ZDBF2: variants seen among roughly 807,000 people sequenced by gnomAD.
The protein encoded by ZDBF2 is zinc finger DBF-type containing 2, also known as DBF4-type zinc finger-containing protein 2.
In ZDBF2, 6 loss-of-function variants were observed where a neutral mutation model predicts 9.4. The ratio of observed to expected loss-of-function variants is 0.64; its 90% CI spans 0.35 to 1.27. The LOEUF is 1.27. ZDBF2 is among the 50% of genes most tolerant of loss of function. The pLI, the probability that ZDBF2 is intolerant of heterozygous loss-of-function variation, is 0.03. For missense variants in ZDBF2, 2,697 were observed against 2,766.8 expected, an observed-to-expected ratio of 0.97 and a Z score of 0.57; for synonymous variants, 905 against 946.3, an observed-to-expected ratio of 0.96 and a Z score of 0.80.
In ZDBF2 at chr2:206,307,433, C is replaced by G. The variant is rs754685710; in HGVS notation, c.2905C>G (p.His969Asp). 1.9e-6 allele frequency: 3 copies of G among 1,611,972 alleles called. No individual in the cohort carries two copies. Among genetic ancestry groups the G allele is most frequent in the Non-Finnish European group, 2.5e-6 (3 of 1,179,334 alleles). ...TGATGTCCCTCTTCAGGCAGCGACTCACAAACCTGAAGTAATTGTCAAAGA... is the reference window on the plus strand; with the variant it reads ...TGATGTCCCTCTTCAGGCAGCGACTGACAAACCTGAAGTAATTGTCAAAGA... ...DSDVPLQAATHKPEVIVKETW... is the reference protein window; with the variant it reads ...DSDVPLQAATDKPEVIVKETW... Residue 969 changes from histidine (H) to aspartate (D), a missense_variant, in exon 5 of 5, where the codon CAC becomes GAC. Around this residue, in one of 3 missense-constraint regions of ZDBF2, gnomAD observed 1,783 missense variants for 1,776.5 expected, o/e 1.00. Coordinates refer to ENST00000374423, the MANE Select transcript of ZDBF2 (RefSeq NM_020923.3).
At position 206,306,246 on chromosome 2, in the gene ZDBF2, A is replaced by G. The variant is rs776619933; in HGVS notation, c.1718A>G (p.Asn573Ser). The G allele has an allele frequency of 6.2e-7, 1 of 1,613,560 alleles. No individual in the cohort carries two copies. Among genetic ancestry groups the G allele is most frequent in the Non-Finnish European group, 8.5e-7 (1 of 1,179,772 alleles). Reference protein sequence around the residue: ...RKKAHTSLVDNYGSSCSETSF... With the variant: ...RKKAHTSLVDSYGSSCSETSF... ...AAGGCTCATACCAGCTTGGTTGATA[A>G]CTATGGATCGAGTTGTTCTGAAACA... Residue 573 changes from asparagine (N) to serine (S), a missense_variant, in exon 5 of 5, where the codon AAC becomes AGC. Physicochemically the swap from Asn to Ser is conservative, Grantham distance 46 (BLOSUM62 1). This residue lies in a region of ZDBF2 where 910 missense variants were observed against 973.6 expected (regional missense o/e 0.93). Transcript: ENST00000374423.
At chr2:206,288,170 C>T (rs1344632292) in intron 3 of ZDBF2, among the ~76,000 whole-genome samples, 1 of 152,214 alleles carries the variant, frequency 6.6e-6, no homozygotes, top group Non-Finnish European at 1.5e-5. Context: ...TCTGGTGGAA[C>T]AGTTACTTCT....
At chr2:206,301,113 C>CT (rs952612935) in intron 4 of ZDBF2, among the ~76,000 whole-genome samples, 7 of 151,982 alleles carry the variant, frequency 4.6e-5, no homozygotes, top group African/African-American at 1.7e-4. Context: ...TCAGGTAGAA[C>CT]TTTTTTGTAT....
chr2:206,307,992 A>G lies in ZDBF2; in HGVS notation c.3464A>G (p.Tyr1155Cys), dbSNP rs747886182. The change falls in exon 5 of 5, where the codon TAT becomes TGT. Residue 1155 changes from tyrosine to cysteine, a missense_variant. Transcript: ENST00000374423. ...TACTTGGAAGTTAAGAACAGCCAAT[A>G]TAGTTGTTCAGAAATGAATTTGGAT... ...HMYLEVKNSQ[Y>C]SCSEMNLDSG... The G allele has an allele frequency of 8.7e-6, 14 of 1,613,864 alleles. No individual in the cohort carries two copies. The highest frequency in any genetic ancestry group is 1.1e-5 in the Non-Finnish European group (13 of 1,179,820).
chr2:206,283,306 G>T (rs2105902313), intron 3 of ZDBF2, among the ~76,000 whole-genome samples: 2 of 152,256 alleles, frequency 1.3e-5, no homozygotes, highest in Non-Finnish European at 2.9e-5. Context: ...TGTCAAAGTG[G>T]CTGTACCTTA....
In ZDBF2 at chr2:206,307,089, A is replaced by G. The variant is rs757039964; in HGVS notation, c.2561A>G (p.Lys854Arg). ...PEVAVKEVIQKEEYIHLERKN... is the reference protein window; with the variant it reads ...PEVAVKEVIQREEYIHLERKN... ...GTAGCTGTTAAAGAAGTAATTCAGA[A>G]AGAAGAGTACATTCACTTAGAAAGG... Residue 854 changes from lysine to arginine, a missense_variant, in exon 5 of 5, where the codon AAA becomes AGA. Transcript: ENST00000374423. 1.2e-6 allele frequency: 2 copies of G among 1,611,938 alleles called. No homozygotes were observed. The highest frequency in any genetic ancestry group is 1.7e-6 in the Non-Finnish European group (2 of 1,179,264).
chr2:206,304,276 G>A (rs1692649584), intron 4 of ZDBF2, among the ~76,000 whole-genome samples: 2 of 152,152 alleles, frequency 1.3e-5, no homozygotes, highest in Admixed American at 1.3e-4. Flanking sequence ...TGCTTACTGT[G>A]TGCCAAGCTG....
rs776488267 is a variant in ZDBF2 at position 206,308,469 on chromosome 2, A to G, written c.3941A>G (p.His1314Arg). The G allele has an allele frequency of 1.2e-6, 2 of 1,613,708 alleles. No individual in the cohort carries two copies. Among genetic ancestry groups the G allele is most frequent in the East Asian group, 2.2e-5 (1 of 44,872 alleles). The change falls in exon 5 of 5, where the codon CAT becomes CGT. Residue 1314 changes from histidine to arginine, a missense_variant. His to Arg is a conservative substitution (Grantham distance 29, BLOSUM62 0). This residue lies in a region of ZDBF2 where 1,783 missense variants were observed against 1,776.5 expected (regional missense o/e 1.00). Coordinates refer to ENST00000374423, the MANE Select transcript of ZDBF2 (RefSeq NM_020923.3). ...NKEINLLREE[H>R]VCLDDKGYVP... ...GAAATAAATCTTTTGAGGGAGGAAC[A>G]TGTTTGTCTGGATGATAAGGGCTAT... is the stretch of plus-strand genomic sequence containing the variant.
Position 206,309,179 on chromosome 2 carries a change from G to A in ZDBF2, c.4651G>A (p.Asp1551Asn). 6.2e-7 allele frequency: 1 copy of A among 1,610,136 alleles called. No homozygotes were observed. Among genetic ancestry groups the A allele is most frequent in the Non-Finnish European group, 8.5e-7 (1 of 1,177,810 alleles). Residue 1551 changes from aspartate (D) to asparagine (N), a missense_variant, in exon 5 of 5, where the codon GAC (aspartate) becomes AAC (asparagine). Physicochemically the swap from Asp to Asn is conservative, Grantham distance 23. Coordinates refer to ENST00000374423, the MANE Select transcript of ZDBF2 (RefSeq NM_020923.3). The stretch of plus-strand genomic sequence containing the variant: ...TGATATTCCCCTTCAGTTAGTGACT[G>A]ACCCACCTCAGTTGACTGTCAAAGA... ...SDDIPLQLVTDPPQLTVKDIS... is the reference protein window; with the variant it reads ...SDDIPLQLVTNPPQLTVKDIS...
At chr2:206,276,894 T>C (rs1193350424) in intron 1 of ZDBF2, among the ~76,000 whole-genome samples, 2 of 152,170 alleles carry the variant, frequency 1.3e-5, no homozygotes, top group Non-Finnish European at 2.9e-5. Context: ...AAAGCCAGCA[T>C]AGCGTGGATA....
chr2:206,310,800 GT>G lies in ZDBF2; in HGVS notation c.6273del (p.Ser2091ArgfsTer17). 1 of 1,614,010 alleles carries G rather than the reference GT, an allele frequency of 6.2e-7. No individual in the cohort carries two copies. Among genetic ancestry groups the G allele is most frequent in the Admixed American group, 1.7e-5 (1 of 60,028 alleles). ...TTTAATAGGAGCAACCAAAACTCCAGTGCAGGAGATAATGATGCTGATGGAC... is the reference window on the plus strand; with the variant it reads ...TTTAATAGGAGCAACCAAAACTCCAGGCAGGAGATAATGATGCTGATGGAC... ...IHFNRSNQNS[S>X]AGDNDADGQG... On this transcript the variant is annotated frameshift_variant, in exon 5 of 5. Transcript: ENST00000374423. LOFTEE classifies it low-confidence loss of function (END_TRUNC).
intron 1 of ZDBF2, among the ~76,000 whole-genome samples, chr2:206,279,263 T>C (rs1030685584): frequency 1.3e-5 from 2 of 152,194 alleles, no homozygotes; most frequent in African/African-American, 2.4e-5. Flanking sequence ...TTGAGCCTTA[T>C]AGTCTTTTAC....
Position 206,307,457 on chromosome 2 carries a change from G to A in ZDBF2, c.2929G>A (p.Glu977Lys). ...ATHKPEVIVK[E>K]TWLQREKHAE... ...TCACAAACCTGAAGTAATTGTCAAA[G>A]AAACATGGCTTCAAAGAGAAAAGCA... is the stretch of plus-strand genomic sequence containing the variant. The change falls in exon 5 of 5, where the codon GAA becomes AAA. Residue 977 changes from glutamate to lysine, a missense_variant. Transcript: ENST00000374423. The A allele has an allele frequency of 1.9e-6, 3 of 1,612,164 alleles. No homozygotes were observed. The highest frequency in any genetic ancestry group is 2.2e-5 in the South Asian group (2 of 90,460).
chr2:206,291,190 G>A (rs1050823209), intron 3 of ZDBF2, among the ~76,000 whole-genome samples: 13 of 152,148 alleles, frequency 8.5e-5, no homozygotes, highest in African/African-American at 1.2e-4. Flanking sequence ...GACTGGTTTC[G>A]TGGAAGACAA....
intron 3 of ZDBF2, among the ~76,000 whole-genome samples, chr2:206,291,658 A>G (rs9679697): frequency 0.48 from 72,391 of 152,104 alleles, 19,174 homozygotes; most frequent in Non-Finnish European, 0.6. Context: ...AGTTCAACCT[A>G]TAGCAGTTAG....
intron 3 of ZDBF2, among the ~76,000 whole-genome samples, chr2:206,294,399 G>T (rs1692059964): frequency 6.6e-6 from 1 of 152,214 alleles, no homozygotes; most frequent in Non-Finnish European, 1.5e-5. Context: ...ATACCTTATA[G>T]GATGTAAATG....
At chr2:206,283,895 C>G (rs1304225202) in intron 3 of ZDBF2, among the ~76,000 whole-genome samples, 1 of 152,084 alleles carries the variant, frequency 6.6e-6, no homozygotes. Flanking sequence ...ACTCCTGGGC[C>G]CAAGTGATTC....
rs1210636589 is a variant in ZDBF2 at position 206,305,930 on chromosome 2, A to G, written c.1402A>G (p.Ile468Val). The G allele has an allele frequency of 9.9e-6, 16 of 1,613,236 alleles. No individual in the cohort carries two copies. The highest frequency in any genetic ancestry group is 1.4e-5 in the Non-Finnish European group (16 of 1,179,658). Residue 468 changes from isoleucine to valine, a missense_variant, in exon 5 of 5, where the codon ATT (isoleucine) becomes GTT (valine). Ile to Val is a conservative substitution (Grantham distance 29, BLOSUM62 3). Transcript: ENST00000374423. ...CTTGGTTACCAACCAATCCCAAATG[A>G]TTGTTAAAGAAATAAGTCTTCAGAA... The part of the protein sequence containing the change: ...LHLVTNQSQM[I>V]VKEISLQNAR...
In ZDBF2 at chr2:206,309,750, G is replaced by A. The variant is rs554504771; in HGVS notation, c.5222G>A (p.Cys1741Tyr). 5 of 1,613,964 alleles carry A rather than the reference G, an allele frequency of 3.1e-6. No homozygotes were observed. Among genetic ancestry groups the A allele is most frequent in the African/African-American group, 1.3e-5 (1 of 75,038 alleles). ...AAACATAGAGATCTAGAAGTGAGCT[G>A]TGAACCGGATGGTTTTGAGATGAAT... The part of the protein sequence containing the change: ...KLKHRDLEVS[C>Y]EPDGFEMNFQ... Residue 1741 changes from cysteine to tyrosine, a missense_variant, in exon 5 of 5, where the codon TGT becomes TAT. Physicochemically the swap from Cys to Tyr is radical, Grantham distance 194. Around this residue, in one of 3 missense-constraint regions of ZDBF2, gnomAD observed 1,783 missense variants for 1,776.5 expected, o/e 1.00. Coordinates refer to ENST00000374423, the MANE Select transcript of ZDBF2 (RefSeq NM_020923.3).
Sources: allele counts gnomAD v4.1 joint callset (sites outside exome capture counted in the v4.1 genomes callset), GRCh38; gene constraint gnomAD v4.1.1; regional missense constraint gnomAD v4.1.1; transcripts MANE v1.5; gene names NCBI Gene and HGNC (gene_info 2026-07-23, HGNC 2026-07-21).